Variants in FEZ2 observed in about 807,000 individuals in gnomAD.
The protein encoded by FEZ2 is fasciculation and elongation protein zeta 2.
In FEZ2, 51 loss-of-function variants were observed where a neutral mutation model predicts 40.4. The ratio of observed to expected loss-of-function variants is 1.26; its 90% CI spans 1.01 to 1.59. FEZ2 has a LOEUF of 1.59. Among genes scored for constraint, FEZ2 ranks in the 40% most tolerant of loss-of-function variants. The pLI, the probability that FEZ2 is intolerant of heterozygous loss-of-function variation, is 0.00. For synonymous variants in FEZ2, 242 were observed against 172.0 expected (o/e 1.41, Z -3.18); for missense variants, 640 against 438.3 (o/e 1.46, Z -4.11).
intron 6 of FEZ2, chr2:36,557,092 A>G (rs939008354): frequency 6.6e-6 from 1 of 152,210 alleles, no homozygotes; most frequent in African/African-American, 2.4e-5. Flanking sequence ...TCCCTTCTTT[A>G]GAGGGCTACC....
intron 5 of FEZ2, 133 bp from the exon 6 acceptor site, chr2:36,558,646 T>C (rs910103576): frequency 8.2e-6 from 4 of 486,972 alleles, no homozygotes; most frequent in African/African-American, 3.9e-5. Flanking sequence ...ACACAGGTAT[T>C]GTATGGGAAT....
chr2:36,577,626 A>C (rs1184960536), intron 5 of FEZ2, among the ~76,000 whole-genome samples: 1 of 152,246 alleles, frequency 6.6e-6, no homozygotes, highest in African/African-American at 2.4e-5. Flanking sequence ...GGCTAATTAC[A>C]GCATAATAAA....
chr2:36,565,357 T>C (rs1299910717), intron 5 of FEZ2, among the ~76,000 whole-genome samples: 2 of 152,230 alleles, frequency 1.3e-5, no homozygotes, highest in Admixed American at 6.5e-5. Flanking sequence ...TTTGGTTCTC[T>C]AAACCCTTTA....
intron 6 of FEZ2, chr2:36,557,681 G>A (rs1415819666): frequency 6.6e-6 from 1 of 152,040 alleles, no homozygotes; most frequent in Admixed American, 6.6e-5. Flanking sequence ...TTACTGTGAG[G>A]TAAATAGAAC....
chr2:36,566,768 TTG>T (rs1668252316), intron 5 of FEZ2, among the ~76,000 whole-genome samples: 1 of 152,226 alleles, frequency 6.6e-6, no homozygotes, highest in South Asian at 2.1e-4. Flanking sequence ...TTGCCACTAA[TTG>T]TGTGACAGGA....
intron 5 of FEZ2, among the ~76,000 whole-genome samples, chr2:36,572,163 G>C (rs1317191764): frequency 2.0e-5 from 3 of 150,986 alleles, no homozygotes; most frequent in Non-Finnish European, 4.4e-5. Flanking sequence ...TCCATATTTA[G>C]AGAACACTGG....
intron 1 of FEZ2, among the ~76,000 whole-genome samples, chr2:36,593,803 C>T (rs1425937798): frequency 6.6e-6 from 1 of 151,452 alleles, no homozygotes; most frequent in Non-Finnish European, 1.5e-5. Flanking sequence ...GCTACTTACG[C>T]AAATTTCTGC....
rs113278172 is a variant in FEZ2, at chr2:36,555,875, G to A, written c.980-127C>T. 2.8e-4 allele frequency: 185 copies of A among 666,192 alleles called. 3 individuals are homozygous for A. In the African/African-American group the frequency reaches 2.8e-3, roughly 10 times the overall value. 41.3% of individuals were successfully genotyped at this position (666,192 alleles called of 1,614,324 possible). A position where few individuals can be genotyped will look rare whatever the true frequency, so the allele number is the denominator to read the frequency against. On this transcript the variant is annotated intron_variant, in intron 6 of 7. Coordinates refer to ENST00000405912, the MANE Select transcript of FEZ2 (RefSeq NM_005102.3). ...ATATAACTGACTCATACAAATTATA[G>A]GTGATTTTCCTGATAAGGGGATACA...
At chr2:36,568,722 G>A (rs1388362197) in intron 5 of FEZ2, among the ~76,000 whole-genome samples, 9 of 152,174 alleles carry the variant, frequency 5.9e-5, no homozygotes, top group African/African-American at 2.2e-4. Flanking sequence ...AAGTAATGTG[G>A]CAAGGACGGA....
intron 2 of FEZ2, among the ~76,000 whole-genome samples, chr2:36,586,761 G>T (rs994779121): frequency 6.6e-6 from 1 of 152,164 alleles, no homozygotes; most frequent in Admixed American, 6.5e-5. Context: ...AGCAACACAG[G>T]AAGACCTCGT....
intron 5 of FEZ2, 70 bp from the exon 6 acceptor site, chr2:36,558,583 T>C: frequency 1.2e-6 from 1 of 824,382 alleles, no homozygotes; most frequent in Non-Finnish European, 1.9e-6. Flanking sequence ...TTTGATACTG[T>C]TACTAGAAGG....
chr2:36,556,916 G>C (rs948746630), intron 6 of FEZ2: 4 of 152,132 alleles, frequency 2.6e-5, no homozygotes, highest in Non-Finnish European at 5.9e-5. Context: ...GGAAAGAAAA[G>C]GAGCTTTGGA....
At chr2:36,562,013 C>G (rs1456156192) in intron 5 of FEZ2, among the ~76,000 whole-genome samples, 2 of 152,158 alleles carry the variant, frequency 1.3e-5, no homozygotes, top group African/African-American at 4.8e-5. Context: ...TTTCTTAATA[C>G]TACTAAAATA....
chr2:36,573,831 T>C (rs144664591), intron 5 of FEZ2, among the ~76,000 whole-genome samples: 1 of 152,362 alleles, frequency 6.6e-6, no homozygotes, highest in African/African-American at 2.4e-5. Flanking sequence ...GCAGTGTATA[T>C]TCAAAAGCTC....
rs922924102 is a variant in FEZ2 at position 36,586,038 on chromosome 2, A to C, written c.376-2569T>G. ...GTCCTATAGTTCTAATTTACTTTTT[A>C]AACTATGACAGCTGTTCCTTTAATA... is the stretch of plus-strand genomic sequence containing the variant. On this transcript the variant is annotated intron_variant, in intron 2 of 7. Coordinates refer to ENST00000405912, the MANE Select transcript of FEZ2 (RefSeq NM_005102.3). Among the ~76,000 whole-genome samples the C allele has an allele frequency of 2.6e-5, 4 of 152,212 alleles. No homozygotes were observed. In the South Asian group the frequency reaches 8.3e-4, roughly 31 times the overall value.
chr2:36,557,795 T>C (rs1667993536), intron 6 of FEZ2: 1 of 152,126 alleles, frequency 6.6e-6, no homozygotes, highest in African/African-American at 2.4e-5. Context: ...CAAGGCTCAT[T>C]TGCGGCCATC....
intron 5 of FEZ2, among the ~76,000 whole-genome samples, chr2:36,573,387 A>G (rs1000657397): frequency 6.6e-6 from 1 of 152,224 alleles, no homozygotes; most frequent in East Asian, 1.9e-4. Context: ...TGTTCAACCT[A>G]TTCTTGTATT....
At chr2:36,566,459 A>C (rs540086088) in intron 5 of FEZ2, among the ~76,000 whole-genome samples, 1 of 152,346 alleles carries the variant, frequency 6.6e-6, no homozygotes, top group African/African-American at 2.4e-5. Context: ...TCATAAATTC[A>C]ACTCAAGTTC....
intron 5 of FEZ2, among the ~76,000 whole-genome samples, chr2:36,566,974 T>C (rs1468299310): frequency 1.3e-5 from 2 of 152,098 alleles, no homozygotes; most frequent in African/African-American, 2.4e-5. Context: ...TCTCTCTCTA[T>C]AGGACTAAAT....
Sources: allele counts gnomAD v4.1 joint callset (sites outside exome capture counted in the v4.1 genomes callset), GRCh38; gene constraint gnomAD v4.1.1; transcripts MANE v1.5; gene names NCBI Gene and HGNC (gene_info 2026-07-23, HGNC 2026-07-21).